Variants in TTC28 observed in about 807,000 individuals in gnomAD.
TTC28 encodes tetratricopeptide repeat protein 28.
A neutral mutation model predicts 198.0 loss-of-function variants in TTC28; 61 were observed. The observed-to-expected ratio is 0.31, with a 90% CI of 0.25 to 0.38. The LOEUF is 0.38. Ranked by LOEUF, TTC28 falls within the 10% of genes least tolerant of loss-of-function variation. The pLI is 1.00. For missense variants in TTC28, 2,678 were observed against 3,164.0 expected, an observed-to-expected ratio of 0.85 and a Z score of 3.69; for synonymous variants, 1,171 against 1,297.8, an observed-to-expected ratio of 0.90 and a Z score of 2.10.
At chr22:28,516,098 A>T (rs904427599) in intron 2 of TTC28, among the ~76,000 whole-genome samples, 1 of 151,684 alleles carries the variant, frequency 6.6e-6, no homozygotes, top group Non-Finnish European at 1.5e-5. Context: ...GTGAGCTGAG[A>T]TCTGCCATTA....
intron 1 of TTC28, among the ~76,000 whole-genome samples, 162 bp from the exon 2 acceptor site, chr22:28,629,992 C>G (rs1050264969): frequency 6.6e-6 from 1 of 152,032 alleles, no homozygotes. Context: ...AGGAGTAAAT[C>G]CCTCATGAAC....
chr22:28,495,194 AAAC>A (rs2048436858), intron 2 of TTC28, among the ~76,000 whole-genome samples: 1 of 152,206 alleles, frequency 6.6e-6, no homozygotes, highest in Admixed American at 6.5e-5. Flanking sequence ...TTTCTAAATT[AAAC>A]AACATGAGTT....
intron 1 of TTC28, among the ~76,000 whole-genome samples, chr22:28,672,342 AT>A (rs2051901272): frequency 6.6e-6 from 1 of 151,714 alleles, no homozygotes; most frequent in Non-Finnish European, 1.5e-5. Context: ...TACTTTTTGT[AT>A]TTTTAGTAGA....
At chr22:28,433,505 A>C (rs1255094677) in intron 2 of TTC28, among the ~76,000 whole-genome samples, 2 of 152,214 alleles carry the variant, frequency 1.3e-5, no homozygotes, top group African/African-American at 4.8e-5. Context: ...TTCTTTTACA[A>C]ATGTTTTAGT....
At chr22:28,484,367 C>A (rs1229840441) in intron 2 of TTC28, among the ~76,000 whole-genome samples, 3 of 152,240 alleles carry the variant, frequency 2.0e-5, no homozygotes, top group African/African-American at 7.2e-5. Context: ...CCACCCTGGC[C>A]TCCCAAAGCA....
chr22:28,148,508 G>A (rs965748959), intron 6 of TTC28, among the ~76,000 whole-genome samples: 12 of 151,904 alleles, frequency 7.9e-5, no homozygotes, highest in Non-Finnish European at 1.5e-4. Context: ...ACCTACTCGG[G>A]AGGCTGAGGC....
chr22:28,140,421 C>G (rs1253642914), intron 6 of TTC28, among the ~76,000 whole-genome samples: 1 of 152,186 alleles, frequency 6.6e-6, no homozygotes, highest in Non-Finnish European at 1.5e-5. Flanking sequence ...CAGGAACTGA[C>G]AGCAACGCTG....
intron 2 of TTC28, among the ~76,000 whole-genome samples, chr22:28,516,887 C>T (rs2146412639): frequency 6.6e-6 from 1 of 152,212 alleles, no homozygotes; most frequent in East Asian, 1.9e-4. Context: ...TTATGTTGTA[C>T]ACCATAAACA....
chr22:28,009,076 G>C (rs1938035009), intron 14 of TTC28, among the ~76,000 whole-genome samples: 2 of 152,184 alleles, frequency 1.3e-5, no homozygotes, highest in South Asian at 4.1e-4. Flanking sequence ...GACTACACAG[G>C]ATCTGACTTA....
intron 2 of TTC28, among the ~76,000 whole-genome samples, chr22:28,616,426 G>C (rs1039663377): frequency 3.4e-4 from 52 of 152,210 alleles, no homozygotes; most frequent in African/African-American, 1.3e-3. Flanking sequence ...TATAATACTA[G>C]GTAAACCAAA....
chr22:28,326,455 T>C (rs527346540), intron 2 of TTC28, among the ~76,000 whole-genome samples: 200 of 152,246 alleles, frequency 1.3e-3, no homozygotes, highest in Non-Finnish European at 2.3e-3. Flanking sequence ...GTAACGATTA[T>C]ATGACTTTAT....
At chr22:28,490,389 T>C (rs1383161523) in intron 2 of TTC28, among the ~76,000 whole-genome samples, 1 of 152,164 alleles carries the variant, frequency 6.6e-6, no homozygotes, top group Non-Finnish European at 1.5e-5. Flanking sequence ...CTTCAAGAGT[T>C]TGTATCACCT....
Position 28,105,673 on chromosome 22 carries a change from C to T in TTC28, c.2913G>A (p.Gly971=). Residue 971 remains glycine (G), a synonymous_variant, in exon 8 of 23, where the codon GGG becomes GGA. Coordinates refer to ENST00000397906, the MANE Select transcript of TTC28 (RefSeq NM_001145418.2). ...GGCAGGAAATGGCTTGTTCGTAATT[C>T]CCTAATTGGCTGTGCAGACTTCCCA... ...GELGSLHSQL[G]NYEQAISCLE... 6.4e-7 allele frequency: 1 copy of T among 1,551,858 alleles called. No individual in the cohort carries two copies. Among genetic ancestry groups the T allele is most frequent in the Non-Finnish European group, 8.7e-7 (1 of 1,147,028 alleles).
At chr22:28,368,795 A>C (rs2046285626) in intron 2 of TTC28, among the ~76,000 whole-genome samples, 1 of 152,126 alleles carries the variant, frequency 6.6e-6, no homozygotes, top group African/African-American at 2.4e-5. Context: ...TCTCATTTAT[A>C]ATAGCCACAG....
At position 28,528,334 on chromosome 22, in the gene TTC28, T is replaced by C. The variant is rs77212615; in HGVS notation, c.381+101218A>G. Reference sequence around the variant, plus strand: ...TAAATGAAACAATACTGTTGCAAAGTTCTTATCTTTTACTTGAAGTGGTTC... The same window carrying C: ...TAAATGAAACAATACTGTTGCAAAGCTCTTATCTTTTACTTGAAGTGGTTC... On this transcript the variant is annotated intron_variant, in intron 2 of 22. Transcript: ENST00000397906. 6.7e-3 allele frequency among the ~76,000 whole-genome samples: 1,022 copies of C among 152,176 alleles called. 9 individuals carry two copies. Among genetic ancestry groups the C allele is most frequent in the Non-Finnish European group, 8.8e-3 (601 of 67,998 alleles).
At position 28,646,409 on chromosome 22, in the gene TTC28, C is replaced by G. The variant is rs139304399; in HGVS notation, c.103-16579G>C. 8.5e-5 allele frequency among the ~76,000 whole-genome samples: 13 copies of G among 152,242 alleles called. No individual in the cohort carries two copies. In the East Asian group the frequency reaches 2.5e-3, roughly 29 times the overall value. On this transcript the variant is annotated intron_variant, in intron 1 of 22. Transcript: ENST00000397906. The stretch of plus-strand genomic sequence containing the variant: ...CACTGCTGAAAGAAATCACAGATGA[C>G]ACAAACAAATAGAAATCTATCCCAT...
chr22:28,574,068 A>T (rs2050105348), intron 2 of TTC28, among the ~76,000 whole-genome samples: 1 of 152,186 alleles, frequency 6.6e-6, no homozygotes. Flanking sequence ...GCTGGAGTAC[A>T]GTGGCACAAT....
chr22:28,416,749 C>T (rs1048508086), intron 2 of TTC28, among the ~76,000 whole-genome samples: 3 of 151,982 alleles, frequency 2.0e-5, no homozygotes, highest in East Asian at 1.9e-4. Context: ...ACAAAAAGCT[C>T]GATGACATAG....
At chr22:28,162,980 G>A in intron 6 of TTC28, 112 bp downstream of exon 6, 1 of 1,311,016 alleles carries the variant, frequency 7.6e-7, no homozygotes, top group South Asian at 1.6e-5. Context: ...CACACAATAA[G>A]GATATTCTTT....
Sources: allele counts gnomAD v4.1 joint callset (sites outside exome capture counted in the v4.1 genomes callset), GRCh38; gene constraint gnomAD v4.1.1; transcripts MANE v1.5; gene names NCBI Gene and HGNC (gene_info 2026-07-23, HGNC 2026-07-21).